The following ABI2 variants were observed in gnomAD, a reference collection of about 807,000 sequenced individuals.
ABI2 encodes the protein abl interactor 2.
A neutral mutation model predicts 59.2 loss-of-function variants in ABI2; 25 were observed. That is an observed-to-expected ratio of 0.42 (90% confidence interval 0.31 to 0.59). ABI2 has a LOEUF of 0.59. Ranked by LOEUF, ABI2 falls within the 20% of genes least tolerant of loss-of-function variation. The pLI, the probability that ABI2 is intolerant of heterozygous loss-of-function variation, is 0.14. For synonymous variants in ABI2, 213 were observed against 235.5 expected, an observed-to-expected ratio of 0.90 and a Z score of 0.87; for missense variants, 545 against 681.8, an observed-to-expected ratio of 0.80 and a Z score of 2.23.
chr2:203,351,531 A>ATT (rs2088399300), intron 1 of ABI2: 1 of 321,278 alleles, frequency 3.1e-6, no homozygotes, highest in Non-Finnish European at 5.9e-6. Context: ...TTCAGTGTTT[A>ATT]GTTTTTTTTT....
At position 203,338,983 on chromosome 2, in the gene ABI2, A is replaced by AATATAT. The variant is rs1212962939; in HGVS notation, c.117+10372_117+10377dup. On this transcript the variant is annotated intron_variant, in intron 1 of 11. Coordinates refer to ENST00000261018, the MANE Select transcript of ABI2 (RefSeq NM_001375670.1). Reference sequence around the variant, plus strand: ...ATATAAATATATATATATATATATAAATATATATATATATATATATATATA... The same window carrying AATATAT: ...ATATAAATATATATATATATATATAAATATATATATATATATATATATATATATATA... Among the ~76,000 whole-genome samples the AATATAT allele has an allele frequency of 4.1e-3, 50 of 12,308 alleles. 1 individual carries two copies. The highest frequency in any genetic ancestry group is 0.011 in the African/African-American group (43 of 3,786). The allele number at this position is 12,308 out of a possible 152,430, so 8.1% of individuals were successfully genotyped here.
At chr2:203,330,443 A>T (rs1177457674) in intron 1 of ABI2, among the ~76,000 whole-genome samples, 1 of 151,988 alleles carries the variant, frequency 6.6e-6, no homozygotes, top group Non-Finnish European at 1.5e-5. Flanking sequence ...GCTAAAATTG[A>T]AAGTCTTTTA....
chr2:203,368,828 T>G (rs1299713378), intron 2 of ABI2, among the ~76,000 whole-genome samples: 1 of 151,928 alleles, frequency 6.6e-6, no homozygotes, highest in East Asian at 1.9e-4. Flanking sequence ...ATTTTTTTTT[T>G]TTTTAAGAGA....
intron 1 of ABI2, among the ~76,000 whole-genome samples, chr2:203,361,875 G>A (rs551673142): frequency 2.6e-5 from 4 of 152,278 alleles, no homozygotes; most frequent in Admixed American, 1.3e-4. Flanking sequence ...TGCAGGAATC[G>A]AAATTTTGAG....
At chr2:203,396,688 C>A in intron 7 of ABI2, 97 bp from the exon 8 acceptor site, 1 of 1,239,792 alleles carries the variant, frequency 8.1e-7, no homozygotes, top group Non-Finnish European at 1.0e-6. Context: ...TAGTGTTAAG[C>A]ACTGAATATC....
At chr2:203,392,298 ACCACCACCACCACCAC>A in intron 5 of ABI2, among the ~76,000 whole-genome samples, 1 of 88,392 alleles carries the variant, frequency 1.1e-5, no homozygotes, top group African/African-American at 4.3e-5. Flanking sequence ...CACCACCACC[ACCACCACCACCACCAC>A]CAACAACAAC....
rs71034236 is a variant in ABI2 at position 203,338,941 on chromosome 2, T to TATATATATATATATATAA, written c.117+10327_117+10328insAATATATATATATATATA. ...GTGTGTGTGTGTGTATATGTATATA[T>TATATATATATATATATAA]ATATATATATATATATATATAAATA... On this transcript the variant is annotated intron_variant, in intron 1 of 11. Coordinates refer to ENST00000261018, the MANE Select transcript of ABI2 (RefSeq NM_001375670.1). Among the ~76,000 whole-genome samples the TATATATATATATATATAA allele has an allele frequency of 6.0e-3, 37 of 6,196 alleles. 1 individual carries two copies. Among genetic ancestry groups the TATATATATATATATATAA allele is most frequent in the Non-Finnish European group, 8.3e-3 (26 of 3,144 alleles). 4.1% of individuals were successfully genotyped at this position (6,196 alleles called of 152,430 possible).
At chr2:203,339,600 AAAAG>A (rs767190257) in intron 1 of ABI2, among the ~76,000 whole-genome samples, 39 of 151,822 alleles carry the variant, frequency 2.6e-4, no homozygotes, top group East Asian at 1.7e-3. Flanking sequence ...AAAAAAAAGA[AAAAG>A]AAAAAAAGAA....
intron 8 of ABI2, among the ~76,000 whole-genome samples, chr2:203,401,759 T>C (rs2097230402): frequency 6.6e-6 from 1 of 152,216 alleles, no homozygotes; most frequent in South Asian, 2.1e-4. Context: ...AAATGTTTGA[T>C]TTGGAATTAC....
chr2:203,328,734 A>T lies in ABI2; in HGVS notation c.117+103A>T, dbSNP rs13034297. On this transcript the variant is annotated intron_variant, in intron 1 of 11. Coordinates refer to ENST00000261018, the MANE Select transcript of ABI2 (RefSeq NM_001375670.1). ...CCGCCTCGGGGACACGGCCCAGCGGAGCCCCCGATGGGGGTGGGGAGCTGG... is the reference window on the plus strand; with the variant it reads ...CCGCCTCGGGGACACGGCCCAGCGGTGCCCCCGATGGGGGTGGGGAGCTGG... 1.1e-5 allele frequency: 7 copies of T among 635,760 alleles called. No individual in the cohort carries two copies. In the East Asian group the frequency reaches 2.1e-4, roughly 19 times the overall value. 39.4% of individuals were successfully genotyped at this position (635,760 alleles called of 1,614,324 possible).
rs2098480033 is a variant in ABI2, at chr2:203,431,105, G to C, written c.*3753G>C. On this transcript the variant is annotated 3_prime_UTR_variant, in exon 12 of 12. Coordinates refer to ENST00000261018, the MANE Select transcript of ABI2 (RefSeq NM_001375670.1). ...AAAGAATGGGATCTGCTCACTTCTG[G>C]TCTTTTTGGCCGGGAACTCCTGATT... 6.6e-6 allele frequency: 1 copy of C among 152,188 alleles called. No homozygotes were observed. The highest frequency in any genetic ancestry group is 2.4e-5 in the African/African-American group (1 of 41,436). The allele number at this position is 152,188 out of a possible 1,614,324, so 9.4% of individuals were successfully genotyped here.
chr2:203,373,508 C>T (rs538758814), intron 2 of ABI2, among the ~76,000 whole-genome samples: 77 of 140,026 alleles, frequency 5.5e-4, no homozygotes, highest in East Asian at 2.9e-3. Flanking sequence ...GGAGAGGGAG[C>T]GGGAGAGGGA....
chr2:203,331,630 G>A (rs1454855690), intron 1 of ABI2, among the ~76,000 whole-genome samples: 1 of 151,846 alleles, frequency 6.6e-6, no homozygotes, highest in Non-Finnish European at 1.5e-5. Flanking sequence ...AAAGTGTTGG[G>A]ATTACAGGCG....
At chr2:203,394,602 C>T (rs1387760355) in intron 5 of ABI2, 98 bp from the exon 6 acceptor site, 6 of 1,223,904 alleles carry the variant, frequency 4.9e-6, no homozygotes, top group Non-Finnish European at 7.0e-6. Context: ...CATTTCCTAT[C>T]TCTGATTACA....
At chr2:203,330,410 AAG>A (rs1274812712) in intron 1 of ABI2, among the ~76,000 whole-genome samples, 5 of 151,644 alleles carry the variant, frequency 3.3e-5, no homozygotes, top group Non-Finnish European at 5.9e-5. Flanking sequence ...AAAAAAAAAA[AAG>A]ATTCACTTGC....
intron 2 of ABI2, among the ~76,000 whole-genome samples, chr2:203,379,686 T>C (rs756804223): frequency 2.6e-5 from 4 of 152,182 alleles, no homozygotes; most frequent in Non-Finnish European, 5.9e-5. Flanking sequence ...TAAATCTTAA[T>C]GGAGAGGGAA....
At chr2:203,363,527 CT>C (rs2093853377) in intron 1 of ABI2, among the ~76,000 whole-genome samples, 1 of 151,982 alleles carries the variant, frequency 6.6e-6, no homozygotes, top group Non-Finnish European at 1.5e-5. Flanking sequence ...TACCTCCCCA[CT>C]TTCCCCCTAC....
At chr2:203,350,651 T>C (rs1185846156) in intron 1 of ABI2, among the ~76,000 whole-genome samples, 1 of 151,834 alleles carries the variant, frequency 6.6e-6, no homozygotes, top group Non-Finnish European at 1.5e-5. Context: ...GTGATTCTCC[T>C]GTCTCAGCCT....
intron 1 of ABI2, chr2:203,342,150 ATTTAT>A (rs2152522031): frequency 4.4e-6 from 2 of 450,346 alleles, no homozygotes; most frequent in Non-Finnish European, 4.5e-6. Flanking sequence ...GACTCACACC[ATTTAT>A]TTTATTATAT....
Sources: gnomAD v4.1 joint callset for allele counts (sites outside exome capture counted in the v4.1 genomes callset) on GRCh38, gnomAD v4.1.1 for gene constraint, MANE v1.5 for transcripts, NCBI Gene and HGNC (gene_info 2026-07-23, HGNC 2026-07-21) for gene names.